Variants in BCAR3 observed in about 807,000 individuals in gnomAD.
The protein encoded by BCAR3 is BCAR3 adaptor protein, NSP family member.
A neutral mutation model predicts 80.1 loss-of-function variants in BCAR3; 37 were observed. The ratio of observed to expected loss-of-function variants is 0.46; its 90% CI spans 0.36 to 0.61. The LOEUF is 0.61. Ranked by LOEUF, BCAR3 falls within the 20% of genes least tolerant of loss-of-function variation. The probability of loss-of-function intolerance (pLI) is 0.00; values close to 1 mark genes in which losing one functional copy is unlikely to be tolerated. For missense variants in BCAR3, 978 were observed against 1,068.2 expected (o/e 0.92, Z 1.18); for synonymous variants, 389 against 418.9 (o/e 0.93, Z 0.87).
intron 2 of BCAR3, among the ~76,000 whole-genome samples, chr1:93,798,661 C>G (rs774897812): frequency 1.1e-4 from 17 of 152,310 alleles, no homozygotes; most frequent in Non-Finnish European, 2.2e-4. Context: ...GCCAACTGTG[C>G]TGACTTTACT....
intron 2 of BCAR3, among the ~76,000 whole-genome samples, chr1:93,729,596 C>T (rs1220578429): frequency 6.6e-6 from 1 of 152,148 alleles, no homozygotes; most frequent in Non-Finnish European, 1.5e-5. Context: ...CCTTAACCCA[C>T]CCCACCGGAA....
At chr1:93,715,391 T>G (rs921294678) in intron 2 of BCAR3, among the ~76,000 whole-genome samples, 4 of 152,226 alleles carry the variant, frequency 2.6e-5, no homozygotes, top group African/African-American at 4.8e-5. Flanking sequence ...CTTGGAGATT[T>G]TCATCTACCC....
chr1:93,721,812 T>C (rs2100670560), intron 2 of BCAR3, among the ~76,000 whole-genome samples: 1 of 152,254 alleles, frequency 6.6e-6, no homozygotes, highest in East Asian at 1.9e-4. Flanking sequence ...GGAGCAAGGG[T>C]TCCTCAGGTC....
chr1:93,738,981 T>A (rs1287218730), intron 2 of BCAR3, among the ~76,000 whole-genome samples: 4 of 152,136 alleles, frequency 2.6e-5, no homozygotes, highest in African/African-American at 9.7e-5. Context: ...TATGTTTTCC[T>A]GACCCCACCC....
intron 2 of BCAR3, among the ~76,000 whole-genome samples, chr1:93,766,689 C>T (rs1051840935): frequency 2.6e-5 from 4 of 152,230 alleles, no homozygotes; most frequent in African/African-American, 9.7e-5. Context: ...GAGTCTCCTC[C>T]ATCTTCACCG....
intron 2 of BCAR3, among the ~76,000 whole-genome samples, chr1:93,802,302 C>A (rs1305493626): frequency 1.4e-5 from 2 of 143,458 alleles, no homozygotes; most frequent in Admixed American, 6.8e-5. Context: ...TGAGTCAGAT[C>A]TCAACTTTAA....
chr1:93,846,365 C>T (rs1004432599), intron 1 of BCAR3, among the ~76,000 whole-genome samples: 2 of 152,234 alleles, frequency 1.3e-5, no homozygotes, highest in African/African-American at 4.8e-5. Flanking sequence ...CCTGCGAATC[C>T]TCCGTAGGCG....
intron 2 of BCAR3, among the ~76,000 whole-genome samples, chr1:93,655,792 G>A (rs1243135325): frequency 1.3e-5 from 2 of 152,036 alleles, no homozygotes; most frequent in Admixed American, 6.5e-5. Flanking sequence ...TCAAATTATG[G>A]ACACATAAAT....
chr1:93,827,379 G>A (rs1167207253), intron 2 of BCAR3, among the ~76,000 whole-genome samples: 1 of 152,138 alleles, frequency 6.6e-6, no homozygotes, highest in East Asian at 1.9e-4. Flanking sequence ...CCTATCTGGA[G>A]CCAGTGGGGG....
chr1:93,688,472 C>T (rs1164544224), intron 3 of BCAR3, among the ~76,000 whole-genome samples: 2 of 151,648 alleles, frequency 1.3e-5, no homozygotes, highest in Non-Finnish European at 2.9e-5. Flanking sequence ...TACACCAAAA[C>T]GTCTCTGGAT....
intron 1 of BCAR3, chr1:93,846,843 C>A (rs762311695): frequency 2.1e-6 from 1 of 475,662 alleles, no homozygotes. Flanking sequence ...GCGCGTCGCC[C>A]CCCTCAGTCC....
chr1:93,846,948 C>T, intron 1 of BCAR3: 1 of 415,198 alleles, frequency 2.4e-6, no homozygotes. Context: ...CAAATAAACA[C>T]GCACAAGCAC....
Position 93,584,126 on chromosome 1 carries a change from A to G in BCAR3, c.930-5T>C, listed in dbSNP as rs1370185179. On this transcript the variant is annotated splice_polypyrimidine_tract_variant and splice_region_variant and intron_variant, in intron 5 of 11. Transcript: ENST00000260502. The stretch of plus-strand genomic sequence containing the variant: ...CTACCACTCTTTTCTTTGTTTCTGA[A>G]GTAAAAGACACATAGGATGGAAATG... 3 of 1,613,168 alleles carry G rather than the reference A, an allele frequency of 1.9e-6. No homozygotes were observed. In the East Asian group the frequency reaches 6.7e-5, roughly 36 times the overall value.
At chr1:93,602,687 A>G (rs972524131) in intron 3 of BCAR3, among the ~76,000 whole-genome samples, 5 of 152,258 alleles carry the variant, frequency 3.3e-5, no homozygotes, top group African/African-American at 1.2e-4. Context: ...GGACTTTTAA[A>G]GACCCAATTG....
At chr1:93,753,525 C>T (rs57812682) in intron 2 of BCAR3, 17,665 of 150,356 alleles carry the variant, frequency 0.12, 1,445 homozygotes, top group African/African-American at 0.22. Context: ...GCACTGCATG[C>T]GCGCATATGC....
intron 9 of BCAR3, chr1:93,568,169 G>C: frequency 5.6e-6 from 1 of 177,724 alleles, no homozygotes; most frequent in East Asian, 1.5e-4. Flanking sequence ...CTGGTTGACA[G>C]AGTGAGACCC....
At chr1:93,606,020 C>T (rs140177287) in intron 3 of BCAR3, among the ~76,000 whole-genome samples, 16 of 152,264 alleles carry the variant, frequency 1.1e-4, no homozygotes, top group East Asian at 5.8e-4. Context: ...TGGGACAAAG[C>T]GCATCACATG....
chr1:93,645,538 T>C (rs1438655378), intron 2 of BCAR3, among the ~76,000 whole-genome samples: 1 of 151,850 alleles, frequency 6.6e-6, no homozygotes, highest in Non-Finnish European at 1.5e-5. Flanking sequence ...TCCACTGAGA[T>C]AAAAACCACT....
chr1:93,801,325 T>C (rs1210734345), intron 2 of BCAR3, among the ~76,000 whole-genome samples: 1 of 152,222 alleles, frequency 6.6e-6, no homozygotes, highest in Non-Finnish European at 1.5e-5. Flanking sequence ...CTGGCCAATT[T>C]ATCGCAAGTT....
Sources: gnomAD v4.1 joint callset for allele counts (sites outside exome capture counted in the v4.1 genomes callset) on GRCh38, gnomAD v4.1.1 for gene constraint, MANE v1.5 for transcripts, NCBI Gene and HGNC (gene_info 2026-07-23, HGNC 2026-07-21) for gene names.